The following ZNF556 variants were observed in gnomAD, a reference collection of about 807,000 sequenced individuals.
The protein encoded by ZNF556 is zinc finger protein 556.
In ZNF556, 11 loss-of-function variants were observed where a neutral mutation model predicts 13.6. The observed-to-expected ratio is 0.81, with a 90% CI of 0.51 to 1.33. The LOEUF is 1.33. ZNF556 is among the 40% of genes most tolerant of loss of function. The pLI is 0.00. For synonymous variants in ZNF556, 229 were observed against 207.8 expected, an observed-to-expected ratio of 1.10 and a Z score of -0.88; for missense variants, 633 against 566.2, an observed-to-expected ratio of 1.12 and a Z score of -1.20.
chr19:2,876,938 T>C (rs2087857170), intron 3 of ZNF556, among the ~76,000 whole-genome samples: 1 of 151,824 alleles, frequency 6.6e-6, no homozygotes. Context: ...AATTGGCCGG[T>C]GCAGTGGCTT....
At chr19:2,873,407 C>G (rs1439820108) in intron 1 of ZNF556, 89 bp from the exon 2 acceptor site, 13 of 1,494,302 alleles carry the variant, frequency 8.7e-6, no homozygotes, top group Non-Finnish European at 1.2e-5. Context: ...ACTGCAGGAT[C>G]TTGTGTGAGT....
Position 2,873,369 on chromosome 19 carries a change from G to C in ZNF556, c.4-127G>C. ...TACAGACAGAGGGGAAGAGGTCTGA[G>C]GACTGAGTCTTAAATAGATATTGGC... On this transcript the variant is annotated intron_variant, in intron 1 of 3. Transcript: ENST00000307635. 7 of 1,145,578 alleles carry C rather than the reference G, an allele frequency of 6.1e-6. No homozygotes were observed. In the Middle Eastern group the frequency reaches 2.1e-3, roughly 344 times the overall value. 71.0% of individuals were successfully genotyped at this position (1,145,578 alleles called of 1,614,324 possible). A position where few individuals can be genotyped will look rare whatever the true frequency, so the allele number is the denominator to read the frequency against.
rs1282960953 is a variant in ZNF556, at chr19:2,877,632, A to G, written c.674A>G (p.His225Arg). Residue 225 changes from histidine to arginine, a missense_variant, in exon 4 of 4, where the codon CAC becomes CGC. His to Arg is a conservative substitution (Grantham distance 29). Coordinates refer to ENST00000307635, the MANE Select transcript of ZNF556 (RefSeq NM_024967.3). ...TCTCTCACTGAACATGTAAGGACTC[A>G]CACTGGAGAGAAACCCTACGAATGT... is the stretch of plus-strand genomic sequence containing the variant. ...SHSLTEHVRT[H>R]TGEKPYECGQ... 1 of 1,614,206 alleles carries G rather than the reference A, an allele frequency of 6.2e-7. No homozygotes were observed. Among genetic ancestry groups the G allele is most frequent in the Non-Finnish European group, 8.5e-7 (1 of 1,180,028 alleles).
chr19:2,870,386 A>G lies in ZNF556; in HGVS notation c.3+2962A>G, dbSNP rs569109611. On this transcript the variant is annotated intron_variant, in intron 1 of 3. Transcript: ENST00000307635. ...AGGATGGCTTGAGCCCAGGAGTTCA[A>G]GGCTGCGGCGAGTTCTCATTGCGCC... Among the ~76,000 whole-genome samples the G allele has an allele frequency of 5.9e-5, 9 of 152,248 alleles. No homozygotes were observed. The East Asian group carries it at 1.5e-3, about 26-fold the overall frequency.
chr19:2,869,939 C>T (rs912771000), intron 1 of ZNF556, among the ~76,000 whole-genome samples: 4 of 152,182 alleles, frequency 2.6e-5, no homozygotes, highest in African/African-American at 9.7e-5. Context: ...TTGGCTGTCA[C>T]TCCCCATTCC....
rs371475577 is a variant in ZNF556 at position 2,877,323 on chromosome 19, G to T, written c.365G>T (p.Arg122Leu). Residue 122 changes from arginine (R) to leucine (L), a missense_variant, in exon 4 of 4, where the codon CGT becomes CTT. Physicochemically the swap from Arg to Leu is moderately radical, Grantham distance 102 (BLOSUM62 -2). Transcript: ENST00000307635. ...TGTAAAAGCAGTAAAGGTAATAAACGTGGAAGAACCTTCAGAAAGACTCGA... is the reference window on the plus strand; with the variant it reads ...TGTAAAAGCAGTAAAGGTAATAAACTTGGAAGAACCTTCAGAAAGACTCGA... ...RPCKSSKGNK[R>L]GRTFRKTRNC... 7 of 1,614,100 alleles carry T rather than the reference G, an allele frequency of 4.3e-6. No homozygotes were observed. The highest frequency in any genetic ancestry group is 5.9e-6 in the Non-Finnish European group (7 of 1,179,988).
At chr19:2,871,101 T>G (rs2087799433) in intron 1 of ZNF556, among the ~76,000 whole-genome samples, 1 of 150,408 alleles carries the variant, frequency 6.6e-6, no homozygotes, top group Non-Finnish European at 1.5e-5. Context: ...AACACAGAGG[T>G]TGCAGTGAGC....
At chr19:2,873,951 T>C (rs2144887339) in intron 2 of ZNF556, among the ~76,000 whole-genome samples, 1 of 151,808 alleles carries the variant, frequency 6.6e-6, no homozygotes, top group African/African-American at 2.4e-5. Context: ...CTTGAGACCC[T>C]GTCTCAAATA....
rs998213693 is a variant in ZNF556, at chr19:2,878,393, G to A, written c.*64G>A. ...TCAGAAAATTCACAGCAGGAGGGCC[G>A]GGCGCAGTGGCTCACGCCTGTAATC... On this transcript the variant is annotated 3_prime_UTR_variant, in exon 4 of 4. Coordinates refer to ENST00000307635, the MANE Select transcript of ZNF556 (RefSeq NM_024967.3). 132 of 1,535,622 alleles carry A rather than the reference G, an allele frequency of 8.6e-5. No homozygotes were observed. Among genetic ancestry groups the A allele is most frequent in the African/African-American group, 1.4e-4 (10 of 72,852 alleles).
At chr19:2,876,315 C>A in intron 3 of ZNF556, 39 bp downstream of exon 3, 1 of 1,531,526 alleles carries the variant, frequency 6.5e-7, no homozygotes, top group Non-Finnish European at 8.7e-7. Flanking sequence ...TATCGCCAGG[C>A]ACGGTGGCTC....
chr19:2,869,242 A>G (rs577968776), intron 1 of ZNF556, among the ~76,000 whole-genome samples: 56 of 152,222 alleles, frequency 3.7e-4, no homozygotes, highest in African/African-American at 1.3e-3. Flanking sequence ...TACCGCCTAC[A>G]TCTCAGTTGC....
chr19:2,872,113 G>A (rs971511543), intron 1 of ZNF556, among the ~76,000 whole-genome samples: 20 of 152,316 alleles, frequency 1.3e-4, no homozygotes, highest in African/African-American at 1.4e-4. Flanking sequence ...CTAGGAGCGT[G>A]ACCACTGAAG....
Position 2,883,022 on chromosome 19 carries a change from A to G in ZNF556, c.*4693A>G, listed in dbSNP as rs140808466. On this transcript the variant is annotated 3_prime_UTR_variant, in exon 4 of 4. Transcript: ENST00000307635. The stretch of plus-strand genomic sequence containing the variant: ...GCTGCCCCTACACACTGATGGAAAA[A>G]TTGTGTTCTGCAGAAAACTAGAGTT... The G allele has an allele frequency of 0.017, 2,563 of 152,292 alleles. 28 individuals are homozygous for G. The highest frequency in any genetic ancestry group is 0.051 in the Middle Eastern group (15 of 294). 9.4% of individuals were successfully genotyped at this position (152,292 alleles called of 1,614,324 possible).
At chr19:2,873,002 G>A (rs1568352613) in intron 1 of ZNF556, among the ~76,000 whole-genome samples, 1 of 151,720 alleles carries the variant, frequency 6.6e-6, no homozygotes, top group Non-Finnish European at 1.5e-5. Context: ...GCATGTTGGT[G>A]TGCATCTGTA....
At position 2,876,237 on chromosome 19, in the gene ZNF556, G is replaced by A. The variant is rs779210485; in HGVS notation, c.275G>A (p.Ser92Asn). The A allele has an allele frequency of 2.4e-5, 38 of 1,607,514 alleles. No homozygotes were observed. Among genetic ancestry groups the A allele is most frequent in the Non-Finnish European group, 3.2e-5 (38 of 1,178,178 alleles). ...TTAGGAAAAAATTGGGAAGAACATAGCGTTAAAGACAAGCACAACACCAAG... is the reference window on the plus strand; with the variant it reads ...TTAGGAAAAAATTGGGAAGAACATAACGTTAAAGACAAGCACAACACCAAG... ...SLLGKNWEEH[S>N]VKDKHNTKER... The change falls in exon 3 of 4, where the codon AGC becomes AAC. Residue 92 changes from serine (S) to asparagine (N), a missense_variant. Transcript: ENST00000307635.
rs2087875499 is a variant in ZNF556, at chr19:2,878,114, C to T, written c.1156C>T (p.His386Tyr). 1 of 1,614,116 alleles carries T rather than the reference C, an allele frequency of 6.2e-7. No homozygotes were observed. Among genetic ancestry groups the T allele is most frequent in the Non-Finnish European group, 8.5e-7 (1 of 1,180,016 alleles). Residue 386 changes from histidine to tyrosine, a missense_variant, in exon 4 of 4, where the codon CAC becomes TAC. By Grantham distance (83) the His-to-Tyr change is moderately conservative (BLOSUM62 2). Coordinates refer to ENST00000307635, the MANE Select transcript of ZNF556 (RefSeq NM_024967.3). ...GKTYGWSSSL[H>Y]KHERKHTGEK... ...AACGTATGGTTGGTCCTCATCTTTA[C>T]ACAAACATGAGAGAAAGCACACTGG...
chr19:2,878,425 C>A lies in ZNF556; in HGVS notation c.*96C>A. 1.6e-6 allele frequency: 2 copies of A among 1,270,710 alleles called. No homozygotes were observed. The highest frequency in any genetic ancestry group is 2.2e-6 in the Non-Finnish European group (2 of 914,640). The allele number at this position is 1,270,710 out of a possible 1,614,324, so 78.7% of individuals were successfully genotyped here. ...GTGGCTCACGCCTGTAATCCCAGCA[C>A]TTTGGGAGGCCGAGGCAGGCGGATC... is the stretch of plus-strand genomic sequence containing the variant. On this transcript the variant is annotated 3_prime_UTR_variant, in exon 4 of 4. Coordinates refer to ENST00000307635, the MANE Select transcript of ZNF556 (RefSeq NM_024967.3).
At chr19:2,876,310 C>G in intron 3 of ZNF556, 34 bp downstream of exon 3, 1 of 1,541,032 alleles carries the variant, frequency 6.5e-7, no homozygotes, top group Non-Finnish European at 8.7e-7. Context: ...GGCAGTATCG[C>G]CAGGCACGGT....
chr19:2,868,662 C>T (rs7254969), intron 1 of ZNF556, among the ~76,000 whole-genome samples: 1 of 151,146 alleles, frequency 6.6e-6, no homozygotes, highest in East Asian at 2.0e-4. Context: ...GGTGATCCAC[C>T]CGCCTTGGCC....
Sources: allele counts gnomAD v4.1 joint callset (sites outside exome capture counted in the v4.1 genomes callset), GRCh38; gene constraint gnomAD v4.1.1; transcripts MANE v1.5; gene names NCBI Gene and HGNC (gene_info 2026-07-23, HGNC 2026-07-21).